NFATC3: variants seen among roughly 807,000 people sequenced by gnomAD.
The protein encoded by NFATC3 is nuclear factor of activated T-cells, cytoplasmic 3.
NFATC3 carries 46 observed loss-of-function variants against 98.6 expected under a neutral mutation model. The ratio of observed to expected loss-of-function variants is 0.47; its 90% CI spans 0.37 to 0.60. The LOEUF is 0.60. Ranked by LOEUF, NFATC3 falls within the 20% of genes least tolerant of loss-of-function variation. The pLI is 0.00. For synonymous variants in NFATC3, 512 were observed against 472.2 expected, an observed-to-expected ratio of 1.08 and a Z score of -1.09; for missense variants, 1,256 against 1,295.5, an observed-to-expected ratio of 0.97 and a Z score of 0.47.
rs891640321 is a variant in NFATC3, at chr16:68,228,586, A to T, written c.*2115A>T. 1.3e-5 allele frequency: 2 copies of T among 152,674 alleles called. No homozygotes were observed. The highest frequency in any genetic ancestry group is 2.9e-5 in the Non-Finnish European group (2 of 68,042). 9.5% of individuals were successfully genotyped at this position (152,674 alleles called of 1,614,324 possible). A position where few individuals can be genotyped will look rare whatever the true frequency, so the allele number is the denominator to read the frequency against. ...TAAAATAAACATTAAATTTTAAAAT[A>T]GAGCTTTGTATACTATGTAAGCAGT... On this transcript the variant is annotated 3_prime_UTR_variant, in exon 10 of 10. Coordinates refer to ENST00000346183, the MANE Select transcript of NFATC3 (RefSeq NM_173165.3).
At chr16:68,182,623 C>T (rs1465904722) in intron 7 of NFATC3, among the ~76,000 whole-genome samples, 3 of 151,690 alleles carry the variant, frequency 2.0e-5, no homozygotes, top group African/African-American at 7.3e-5. Context: ...CGGGTTCAAG[C>T]GATTCTCCTG....
chr16:68,191,194 T>G lies in NFATC3; in HGVS notation c.2525T>G (p.Val842Gly), dbSNP rs778076132. The G allele has an allele frequency of 1.2e-6, 2 of 1,614,220 alleles. No homozygotes were observed. Among genetic ancestry groups the G allele is most frequent in the South Asian group, 1.1e-5 (1 of 91,086 alleles). ...CAGGATGCAACTCTTTCTGGTTTAG[T>G]GAATCTTGGCTGTCAACCACTGTCA... ...FQQDATLSGLVNLGCQPLSSI... is the reference protein window; with the variant it reads ...FQQDATLSGLGNLGCQPLSSI... The change falls in exon 9 of 10, where the codon GTG (valine) becomes GGG (glycine). Residue 842 changes from valine (V) to glycine (G), a missense_variant. Physicochemically the swap from Val to Gly is moderately radical, Grantham distance 109. Coordinates refer to ENST00000346183, the MANE Select transcript of NFATC3 (RefSeq NM_173165.3).
rs115168293 is a variant in NFATC3, at chr16:68,142,484, A to G, written c.1402-15385A>G. ...TATCAAATCTAGGAGTCGGCCTGGC[A>G]TGGTGACTCACGCCTGTAATCCCAA... On this transcript the variant is annotated intron_variant, in intron 3 of 9. Transcript: ENST00000346183. 5.4e-3 allele frequency among the ~76,000 whole-genome samples: 827 copies of G among 152,190 alleles called. 5 individuals are homozygous for G. The highest frequency in any genetic ancestry group is 0.019 in the African/African-American group (794 of 41,528).
chr16:68,183,308 T>C lies in NFATC3; in HGVS notation c.2040T>C (p.Phe680=), dbSNP rs760284317. Reference sequence around the variant, plus strand: ...TTACAGCTGCAGTGCAGGTGCACTTTTATCTTTGCAATGGCAAGAGGAAAA... The same window carrying C: ...TTACAGCTGCAGTGCAGGTGCACTTCTATCTTTGCAATGGCAAGAGGAAAA... ...PAVTAAVQVH[F]YLCNGKRKKS... The change falls in exon 8 of 10, where the codon TTT becomes TTC. Residue 680 remains phenylalanine, a synonymous_variant. Coordinates refer to ENST00000346183, the MANE Select transcript of NFATC3 (RefSeq NM_173165.3). 2.5e-6 allele frequency: 4 copies of C among 1,613,424 alleles called. No individual in the cohort carries two copies. Among genetic ancestry groups the C allele is most frequent in the African/African-American group, 2.7e-5 (2 of 74,914 alleles).
In NFATC3 at chr16:68,223,752, G is replaced by A. The variant is rs1052781413; in HGVS notation, c.3107-2598G>A. Reference sequence around the variant, plus strand: ...TCTACTAAAAATACAAAAATTAGCCGGGCACGATGGCGGGCACCTGTAATC... The same window carrying A: ...TCTACTAAAAATACAAAAATTAGCCAGGCACGATGGCGGGCACCTGTAATC... On this transcript the variant is annotated intron_variant, in intron 9 of 9. Transcript: ENST00000346183. Among the ~76,000 whole-genome samples the A allele has an allele frequency of 9.9e-5, 15 of 151,516 alleles. No homozygotes were observed. The East Asian group carries it at 1.6e-3, about 16-fold the overall frequency.
Position 68,152,335 on chromosome 16 carries a change from C to T in NFATC3, c.1402-5534C>T, listed in dbSNP as rs149524292. Among the ~76,000 whole-genome samples the T allele has an allele frequency of 4.3e-3, 611 of 142,406 alleles. 4 individuals are homozygous for T. The highest frequency in any genetic ancestry group is 7.0e-3 in the Non-Finnish European group (466 of 66,910). 93.4% of individuals were successfully genotyped at this position (142,406 alleles called of 152,430 possible). A position where few individuals can be genotyped will look rare whatever the true frequency, so the allele number is the denominator to read the frequency against. On this transcript the variant is annotated intron_variant, in intron 3 of 9. Coordinates refer to ENST00000346183, the MANE Select transcript of NFATC3 (RefSeq NM_173165.3). ...CAAATGTTGCAGTGAGCCAAGATCACGCCACAGCACTGCAGCCTGGGCAAC... is the reference window on the plus strand; with the variant it reads ...CAAATGTTGCAGTGAGCCAAGATCATGCCACAGCACTGCAGCCTGGGCAAC...
chr16:68,174,599 C>A, intron 6 of NFATC3, 85 bp downstream of exon 6: 1 of 1,184,868 alleles, frequency 8.4e-7, no homozygotes, highest in Non-Finnish European at 1.1e-6. Context: ...ACAAAAATTA[C>A]AAAGTAGTTT....
intron 9 of NFATC3, among the ~76,000 whole-genome samples, chr16:68,193,143 G>A (rs2040517154): frequency 6.6e-6 from 1 of 151,872 alleles, no homozygotes; most frequent in Non-Finnish European, 1.5e-5. Flanking sequence ...GTTCCCATTA[G>A]CATTTACATT....
At chr16:68,215,808 C>T (rs975807664) in intron 9 of NFATC3, among the ~76,000 whole-genome samples, 3 of 148,204 alleles carry the variant, frequency 2.0e-5, no homozygotes, top group East Asian at 2.0e-4. Context: ...GCTCACTGCA[C>T]GCTCCGCCTC....
chr16:68,128,624 A>G (rs1337879429), intron 3 of NFATC3, among the ~76,000 whole-genome samples: 1 of 152,146 alleles, frequency 6.6e-6, no homozygotes, highest in East Asian at 1.9e-4. Flanking sequence ...ACATAATTAA[A>G]AAAAATAATT....
At chr16:68,107,836 TTA>T (rs931707145) in intron 1 of NFATC3, among the ~76,000 whole-genome samples, 2 of 151,976 alleles carry the variant, frequency 1.3e-5, no homozygotes, top group African/African-American at 4.8e-5. Context: ...TGAGCTTTTT[TTA>T]TGTTTGTTGG....
intron 9 of NFATC3, among the ~76,000 whole-genome samples, chr16:68,210,950 T>C (rs1423257823): frequency 1.3e-5 from 2 of 151,436 alleles, no homozygotes; most frequent in African/African-American, 4.9e-5. Context: ...CCCGGCTAAT[T>C]TTTTTGTATT....
intron 1 of NFATC3, among the ~76,000 whole-genome samples, chr16:68,117,205 G>A (rs1391190024): frequency 6.6e-6 from 1 of 152,170 alleles, no homozygotes; most frequent in African/African-American, 2.4e-5. Context: ...GTCCACTTGA[G>A]TACCATTTAG....
At chr16:68,102,896 C>T (rs1286729466) in intron 1 of NFATC3, among the ~76,000 whole-genome samples, 1 of 151,932 alleles carries the variant, frequency 6.6e-6, no homozygotes, top group African/African-American at 2.4e-5. Context: ...CAAATTAAAG[C>T]CATCCTGGGA....
intron 9 of NFATC3, among the ~76,000 whole-genome samples, chr16:68,220,076 G>C (rs1038608680): frequency 6.6e-6 from 1 of 152,192 alleles, no homozygotes; most frequent in African/African-American, 2.4e-5. Context: ...TTGTTGTGGT[G>C]GCACAGGCAA....
intron 1 of NFATC3, among the ~76,000 whole-genome samples, chr16:68,112,170 A>ACCATTGG (rs1360925264): frequency 1.3e-5 from 2 of 148,678 alleles, no homozygotes; most frequent in African/African-American, 4.9e-5. Context: ...CTATCTTGCT[A>ACCATTGG]GGTTGGGGAA....
At position 68,122,804 on chromosome 16, in the gene NFATC3, AGAT is replaced by A. The variant is rs1286279623; in HGVS notation, c.922_924del (p.Asp308del). ...ACTCCCCCAGGGGAAGTGTGACAGA[AGAT>A]ACGTGGCTCAATGCTTCTGTCCATG... On this transcript the variant is annotated inframe_deletion, in exon 2 of 10. Coordinates refer to ENST00000346183, the MANE Select transcript of NFATC3 (RefSeq NM_173165.3). The A allele has an allele frequency of 6.2e-7, 1 of 1,614,228 alleles. No individual in the cohort carries two copies. Among genetic ancestry groups the A allele is most frequent in the South Asian group, 1.1e-5 (1 of 91,080 alleles).
At chr16:68,151,442 G>T (rs922957478) in intron 3 of NFATC3, among the ~76,000 whole-genome samples, 9 of 152,172 alleles carry the variant, frequency 5.9e-5, no homozygotes, top group Non-Finnish European at 1.3e-4. Flanking sequence ...TACATGGTAA[G>T]TTGTACTCAT....
At chr16:68,182,139 A>G (rs2039973634) in intron 7 of NFATC3, among the ~76,000 whole-genome samples, 1 of 152,236 alleles carries the variant, frequency 6.6e-6, no homozygotes, top group African/African-American at 2.4e-5. Context: ...AACAAATTCA[A>G]TAAAGAACAT....
Sources: allele counts gnomAD v4.1 joint callset (sites outside exome capture counted in the v4.1 genomes callset), GRCh38; gene constraint gnomAD v4.1.1; transcripts MANE v1.5; gene names NCBI Gene and HGNC (gene_info 2026-07-23, HGNC 2026-07-21).